The following PTPRN2 variants were observed in gnomAD, a reference collection of about 807,000 sequenced individuals.
PTPRN2 encodes the protein receptor-type tyrosine-protein phosphatase N2.
A neutral mutation model predicts 118.8 loss-of-function variants in PTPRN2; 74 were observed. That is an observed-to-expected ratio of 0.62 (90% CI 0.52 to 0.76). The LOEUF is 0.76. PTPRN2 is among the 30% of genes least tolerant of loss of function. The pLI is 0.00. For synonymous variants in PTPRN2, 641 were observed against 608.0 expected (o/e 1.05, Z -0.80); for missense variants, 1,481 against 1,394.4 (o/e 1.06, Z -0.99).
intron 12 of PTPRN2, among the ~76,000 whole-genome samples, chr7:157,773,485 C>T (rs1367354449): frequency 2.0e-5 from 3 of 152,244 alleles, no homozygotes; most frequent in Admixed American, 6.5e-5. Context: ...CCCGTGTCTT[C>T]ATCTGGGGAG....
At chr7:158,467,877 G>A (rs566932262) in intron 2 of PTPRN2, among the ~76,000 whole-genome samples, 86 of 152,296 alleles carry the variant, frequency 5.6e-4, no homozygotes, top group African/African-American at 2.0e-3. Flanking sequence ...CCCTGTTGAT[G>A]TTTCTGTTGC....
intron 4 of PTPRN2, among the ~76,000 whole-genome samples, chr7:158,202,737 C>T (rs1015886007): frequency 1.3e-5 from 2 of 152,312 alleles, no homozygotes; most frequent in Middle Eastern, 3.4e-3. Flanking sequence ...ATCCAACCTA[C>T]AGAATGGTAA....
At chr7:158,085,467 C>CCAT (rs1813278746) in intron 10 of PTPRN2, among the ~76,000 whole-genome samples, 1 of 84,566 alleles carries the variant, frequency 1.2e-5, no homozygotes, top group African/African-American at 4.2e-5. Context: ...CCATACACTC[C>CCAT]GACACCCATC....
rs2045036 is a variant in PTPRN2, at chr7:158,423,236, G to A, written c.163+66499C>T. On this transcript the variant is annotated intron_variant, in intron 2 of 22. Transcript: ENST00000389418. ...CAAGAGAAACCACGGGGGAGAAACC[G>A]GGATCCATGTTCTATCCCCTGCTGC... 3.5e-3 allele frequency among the ~76,000 whole-genome samples: 526 copies of A among 152,356 alleles called. 4 individuals carry two copies. The highest frequency in any genetic ancestry group is 0.011 in the African/African-American group (462 of 41,572).
chr7:158,259,830 G>T (rs888239454), intron 3 of PTPRN2, among the ~76,000 whole-genome samples: 2 of 141,616 alleles, frequency 1.4e-5, no homozygotes, highest in South Asian at 4.4e-4. Flanking sequence ...GTACACATAT[G>T]TGAATGTGTT....
At position 157,790,047 on chromosome 7, in the gene PTPRN2, T is replaced by G. The variant is rs1258245151; in HGVS notation, c.1789-107110A>C. ...GTGTGTGTGGTGGGGGTGTGTGTGG[T>G]GTTTGTGTGGTGTGAATGTGTGGTG... On this transcript the variant is annotated intron_variant, in intron 12 of 22. Transcript: ENST00000389418. Among the ~76,000 whole-genome samples, 7 of 99,992 alleles carry G rather than the reference T, an allele frequency of 7.0e-5. No homozygotes were observed. The South Asian group carries it at 1.0e-3, about 15-fold the overall frequency. The allele number at this position is 99,992 out of a possible 152,430, so 65.6% of individuals were successfully genotyped here.
intron 6 of PTPRN2, among the ~76,000 whole-genome samples, chr7:158,159,656 A>C (rs1822180792): frequency 8.0e-6 from 1 of 124,752 alleles, no homozygotes; most frequent in Non-Finnish European, 2.0e-5. Flanking sequence ...GACACCCCAC[A>C]CATTATTTGT....
intron 12 of PTPRN2, among the ~76,000 whole-genome samples, chr7:157,816,344 C>T (rs1806399704): frequency 6.6e-6 from 1 of 152,168 alleles, no homozygotes; most frequent in Admixed American, 6.5e-5. Flanking sequence ...TGGGTTCCAC[C>T]CTAAACTGGC....
Position 158,138,522 on chromosome 7 carries a change from G to T in PTPRN2, c.911-7C>A. 6 of 1,608,198 alleles carry T rather than the reference G, an allele frequency of 3.7e-6. No homozygotes were observed. The highest frequency in any genetic ancestry group is 5.1e-6 in the Non-Finnish European group (6 of 1,178,652). On this transcript the variant is annotated splice_polypyrimidine_tract_variant and splice_region_variant and intron_variant, in intron 6 of 22. Coordinates refer to ENST00000389418, the MANE Select transcript of PTPRN2 (RefSeq NM_002847.5). Reference sequence around the variant, plus strand: ...AGGGTATGAATCCGTGCTCCTAGGGGCACACACACAAACACAAGGACGTTG... The same window carrying T: ...AGGGTATGAATCCGTGCTCCTAGGGTCACACACACAAACACAAGGACGTTG...
intron 11 of PTPRN2, among the ~76,000 whole-genome samples, chr7:158,063,487 A>G (rs1000680984): frequency 6.6e-6 from 1 of 152,242 alleles, no homozygotes; most frequent in Non-Finnish European, 1.5e-5. Context: ...AGGGGAAAAA[A>G]GCAGGCTGCC....
chr7:158,068,791 T>C (rs1389425988), intron 11 of PTPRN2, among the ~76,000 whole-genome samples: 2 of 152,220 alleles, frequency 1.3e-5, no homozygotes, highest in African/African-American at 4.8e-5. Context: ...CATGAGGAAA[T>C]TGTGTAATTA....
rs1224526894 is a variant in PTPRN2, at chr7:157,688,979, G to T, written c.1789-6042C>A. On this transcript the variant is annotated intron_variant, in intron 12 of 22. Transcript: ENST00000389418. ...GGAGAGGGGTCCCGGCGCGGAGGGT[G>T]CTGCGGCCCAGCCTCCTGGCCACAG... Among the ~76,000 whole-genome samples the T allele has an allele frequency of 1.1e-4, 17 of 152,308 alleles. No individual in the cohort carries two copies. In the East Asian group the frequency reaches 3.3e-3, roughly 29 times the overall value.
intron 12 of PTPRN2, among the ~76,000 whole-genome samples, chr7:157,692,765 C>T (rs1797571086): frequency 6.6e-6 from 1 of 152,096 alleles, no homozygotes; most frequent in African/African-American, 2.4e-5. Flanking sequence ...TGAACCCCTC[C>T]AGTAGGCGGG....
At chr7:158,323,973 ACACAC>A (rs1463129074) in intron 2 of PTPRN2, among the ~76,000 whole-genome samples, 1 of 152,102 alleles carries the variant, frequency 6.6e-6, no homozygotes, top group Admixed American at 6.5e-5. Context: ...ACATGTACAC[ACACAC>A]AAGTGTGCAC....
intron 17 of PTPRN2, among the ~76,000 whole-genome samples, chr7:157,592,319 C>G (rs78918306): frequency 2.6e-5 from 4 of 152,226 alleles, no homozygotes; most frequent in Non-Finnish European, 5.9e-5. Flanking sequence ...AATCTGGGCA[C>G]GCTATGAGCC....
chr7:157,749,955 G>A (rs1355499822), intron 12 of PTPRN2, among the ~76,000 whole-genome samples: 1 of 150,868 alleles, frequency 6.6e-6, no homozygotes, highest in Non-Finnish European at 1.5e-5. Context: ...TGAGGCCTGT[G>A]TCCCCGAGCT....
At chr7:158,304,155 GATGT>G (rs1801100376) in intron 3 of PTPRN2, among the ~76,000 whole-genome samples, 4 of 148,238 alleles carry the variant, frequency 2.7e-5, no homozygotes, top group African/African-American at 1.0e-4. Context: ...ATACACATAA[GATGT>G]ACACAGGCTT....
intron 14 of PTPRN2, among the ~76,000 whole-genome samples, chr7:157,634,487 A>G (rs902877060): frequency 1.3e-5 from 2 of 152,128 alleles, no homozygotes; most frequent in Non-Finnish European, 2.9e-5. Flanking sequence ...CGAATCACTA[A>G]CCTAACCTGG....
chr7:158,177,453 T>C (rs557626369), intron 5 of PTPRN2, among the ~76,000 whole-genome samples: 29 of 152,268 alleles, frequency 1.9e-4, no homozygotes, highest in African/African-American at 7.0e-4. Context: ...GAGATATAAT[T>C]GACATACAAT....
Sources: gnomAD v4.1 joint callset for allele counts (sites outside exome capture counted in the v4.1 genomes callset) on GRCh38, gnomAD v4.1.1 for gene constraint, MANE v1.5 for transcripts, NCBI Gene and HGNC (gene_info 2026-07-23, HGNC 2026-07-21) for gene names.